SEMA6D: variants seen among roughly 807,000 people sequenced by gnomAD.
The protein encoded by SEMA6D is semaphorin 6D.
SEMA6D carries 35 observed loss-of-function variants against 106.6 expected under a neutral mutation model. The ratio of observed to expected loss-of-function variants is 0.33; its 90% CI spans 0.25 to 0.44. The LOEUF (loss-of-function observed/expected upper bound fraction) is 0.44, where lower values mean the gene tolerates loss of function less well. Among genes scored for constraint, SEMA6D ranks in the 20% least tolerant of loss-of-function variants. SEMA6D has a pLI of 1.00. For synonymous variants in SEMA6D, 499 were observed against 487.7 expected, an observed-to-expected ratio of 1.02 and a Z score of -0.31; for missense variants, 1,185 against 1,345.9, an observed-to-expected ratio of 0.88 and a Z score of 1.87.
At chr15:47,625,429 A>G (rs538326257) in intron 4 of SEMA6D, among the ~76,000 whole-genome samples, 2 of 152,304 alleles carry the variant, frequency 1.3e-5, no homozygotes, top group African/African-American at 4.8e-5. Context: ...TATCAGTAAA[A>G]TGCCTATTGA....
chr15:47,208,532 T>C (rs1895265397), intron 1 of SEMA6D, among the ~76,000 whole-genome samples: 1 of 152,164 alleles, frequency 6.6e-6, no homozygotes, highest in Non-Finnish European at 1.5e-5. Context: ...ACTACCCTCA[T>C]CATTACACTA....
chr15:47,474,934 A>G (rs61527799), intron 3 of SEMA6D, among the ~76,000 whole-genome samples: 16,543 of 152,214 alleles, frequency 0.11, 2,681 homozygotes, highest in African/African-American at 0.35. Context: ...TAGCAGGCAT[A>G]TATTCTGGAT....
At chr15:47,230,036 C>T (rs2032080751) in intron 1 of SEMA6D, among the ~76,000 whole-genome samples, 1 of 152,000 alleles carries the variant, frequency 6.6e-6, no homozygotes, top group South Asian at 2.1e-4. Context: ...TCAAATTTAA[C>T]TGAAGTTTTA....
chr15:47,373,311 C>A (rs573426007), intron 1 of SEMA6D, among the ~76,000 whole-genome samples: 1 of 152,126 alleles, frequency 6.6e-6, no homozygotes, highest in African/African-American at 2.4e-5. Context: ...CCTGCCTTTG[C>A]GTGTTTCTCA....
At chr15:47,766,266 A>G (rs1397523816) in intron 15 of SEMA6D, 84 bp downstream of exon 15, 2 of 1,203,088 alleles carry the variant, frequency 1.7e-6, no homozygotes, top group East Asian at 5.0e-5. Flanking sequence ...ACTTCCAATT[A>G]TACTACTTTT....
intron 1 of SEMA6D, among the ~76,000 whole-genome samples, chr15:47,281,578 T>C (rs1028836933): frequency 6.6e-6 from 1 of 152,056 alleles, no homozygotes; most frequent in African/African-American, 2.4e-5. Context: ...GTTATGATGT[T>C]AGCTGGTTAT....
chr15:47,432,547 G>GTGTATATACATATACGCATA (rs2041567553), intron 2 of SEMA6D, among the ~76,000 whole-genome samples: 1 of 61,648 alleles, frequency 1.6e-5, no homozygotes, highest in Non-Finnish European at 3.7e-5. Flanking sequence ...TATGTGTTAT[G>GTGTATATACATATACGCATA]TGTATATACA....
In SEMA6D at chr15:47,693,871, G is replaced by A. The variant is rs28644786; in HGVS notation, c.-54-65874G>A. 7.8e-3 allele frequency among the ~76,000 whole-genome samples: 1,192 copies of A among 152,144 alleles called. 14 individuals carry two copies. The highest frequency in any genetic ancestry group is 0.028 in the African/African-American group (1,165 of 41,504). On this transcript the variant is annotated intron_variant, in intron 4 of 19. Transcript: ENST00000558014. Reference sequence around the variant, plus strand: ...AGGAGGATTGATCACTTGAGCCCAAGAGTTAGATATTCAGTGAGCCGTGAT... The same window carrying A: ...AGGAGGATTGATCACTTGAGCCCAAAAGTTAGATATTCAGTGAGCCGTGAT...
intron 2 of SEMA6D, among the ~76,000 whole-genome samples, chr15:47,448,600 CTTG>C (rs1201684768): frequency 5.3e-5 from 8 of 152,090 alleles, no homozygotes; most frequent in Non-Finnish European, 1.0e-4. Context: ...GCAGGGCCTC[CTTG>C]TTGTGAGAAG....
At position 47,189,315 on chromosome 15, in the gene SEMA6D, A is replaced by G. The variant is rs147721141; in HGVS notation, c.-239+4897A>G. 1.3e-3 allele frequency among the ~76,000 whole-genome samples: 196 copies of G among 152,286 alleles called. 1 individual carries two copies. The highest frequency in any genetic ancestry group is 4.6e-3 in the African/African-American group (190 of 41,562). ...CAGCTTTTGAAATTTCTATGTAAAT[A>G]CAGTATTTGTTCTAAGTACCACACT... On this transcript the variant is annotated intron_variant, in intron 1 of 19. Transcript: ENST00000558014.
At chr15:47,240,080 A>G (rs1825555242) in intron 1 of SEMA6D, among the ~76,000 whole-genome samples, 1 of 152,190 alleles carries the variant, frequency 6.6e-6, no homozygotes, top group African/African-American at 2.4e-5. Flanking sequence ...TGTTCTATAC[A>G]TATGGTAATT....
intron 1 of SEMA6D, among the ~76,000 whole-genome samples, chr15:47,296,726 A>T (rs1329908251): frequency 6.6e-6 from 1 of 152,186 alleles, no homozygotes; most frequent in Admixed American, 6.5e-5. Context: ...CCTTTAGTGG[A>T]TGAGCAAACT....
At position 47,293,635 on chromosome 15, in the gene SEMA6D, TTGATGTTTTATTCATGAC is replaced by T. The variant is rs1168810032; in HGVS notation, c.-239+109222_-239+109239del. On this transcript the variant is annotated intron_variant, in intron 1 of 19. Transcript: ENST00000558014. ...GCGATGTGTATATTTATATTTCACC[TTGATGTTTTATTCATGAC>T]TGATACTTGTTTAGTCTATGATGGC... Among the ~76,000 whole-genome samples the T allele has an allele frequency of 9.8e-5, 15 of 152,348 alleles. No homozygotes were observed. In the East Asian group the frequency reaches 2.9e-3, roughly 29 times the overall value.
At chr15:47,358,848 A>G (rs909939838) in intron 1 of SEMA6D, among the ~76,000 whole-genome samples, 4 of 152,172 alleles carry the variant, frequency 2.6e-5, no homozygotes, top group Non-Finnish European at 4.4e-5. Flanking sequence ...ATTATTTTCA[A>G]TTTTTAAACA....
chr15:47,375,578 C>T (rs1184195607), intron 1 of SEMA6D, among the ~76,000 whole-genome samples: 2 of 152,122 alleles, frequency 1.3e-5, no homozygotes, highest in Admixed American at 6.5e-5. Context: ...GTATCACTTC[C>T]TACCCAGCTG....
intron 4 of SEMA6D, among the ~76,000 whole-genome samples, chr15:47,698,009 A>G (rs1204747013): frequency 1.3e-5 from 2 of 152,244 alleles, no homozygotes; most frequent in African/African-American, 2.4e-5. Context: ...ACTTGGCCAT[A>G]GGTGATCTTT....
intron 3 of SEMA6D, among the ~76,000 whole-genome samples, chr15:47,496,395 A>G (rs1473394336): frequency 1.3e-5 from 2 of 152,030 alleles, no homozygotes; most frequent in African/African-American, 4.8e-5. Context: ...AGATCCACCA[A>G]CACTTTCCCG....
chr15:47,761,936 C>G (rs767397126), intron 7 of SEMA6D, among the ~76,000 whole-genome samples, 185 bp downstream of exon 7: 1 of 152,178 alleles, frequency 6.6e-6, no homozygotes, highest in Non-Finnish European at 1.5e-5. Context: ...TCAGTGCACA[C>G]TATAAGTATT....
intron 4 of SEMA6D, among the ~76,000 whole-genome samples, chr15:47,655,847 T>C (rs898785505): frequency 3.9e-5 from 6 of 152,240 alleles, no homozygotes; most frequent in African/African-American, 1.4e-4. Context: ...AATTTCAAAA[T>C]CAATGTTTGT....
Sources: gnomAD v4.1 joint callset for allele counts (sites outside exome capture counted in the v4.1 genomes callset) on GRCh38, gnomAD v4.1.1 for gene constraint, MANE v1.5 for transcripts, NCBI Gene and HGNC (gene_info 2026-07-23, HGNC 2026-07-21) for gene names.